MEOX2: variants seen among roughly 807,000 people sequenced by gnomAD.
The protein encoded by MEOX2 is mesenchyme homeobox 2.
A neutral mutation model predicts 27.0 loss-of-function variants in MEOX2; 11 were observed. That is an observed-to-expected ratio of 0.41 (90% CI 0.26 to 0.68). The LOEUF (loss-of-function observed/expected upper bound fraction) is 0.68, where lower values mean the gene tolerates loss of function less well. Ranked by LOEUF, MEOX2 falls within the 30% of genes least tolerant of loss-of-function variation. The pLI is 0.33. For missense variants in MEOX2, 436 were observed against 385.4 expected (o/e 1.13, Z -1.10); for synonymous variants, 189 against 155.4 (o/e 1.22, Z -1.61).
chr7:15,618,981 T>C (rs1012124668), intron 2 of MEOX2, among the ~76,000 whole-genome samples: 6 of 151,982 alleles, frequency 3.9e-5, no homozygotes, highest in African/African-American at 1.4e-4. Flanking sequence ...CTAAACTGAA[T>C]GCATCTCTGA....
chr7:15,685,800 C>A, intron 1 of MEOX2, 86 bp downstream of exon 1: 1 of 1,486,790 alleles, frequency 6.7e-7, no homozygotes, highest in Non-Finnish European at 9.0e-7. Context: ...CTGCTGCCAC[C>A]CTCCAGTGCG....
intron 1 of MEOX2, among the ~76,000 whole-genome samples, chr7:15,670,577 TATA>T (rs1782078685): frequency 6.6e-6 from 1 of 152,334 alleles, no homozygotes; most frequent in Middle Eastern, 3.4e-3. Context: ...AGTAGCCACA[TATA>T]TCTATTGAGT....
At position 15,641,697 on chromosome 7, in the gene MEOX2, C is replaced by T. The variant is rs146877495; in HGVS notation, c.518-14779G>A. Among the ~76,000 whole-genome samples, 12 of 152,182 alleles carry T rather than the reference C, an allele frequency of 7.9e-5. No homozygotes were observed. The East Asian group carries it at 2.3e-3, about 29-fold the overall frequency. ...CTTTGTAGTCCCAATTGTGTAATTG[C>T]TTCATAGCATCTATAAACTTTGTAT... is the stretch of plus-strand genomic sequence containing the variant. On this transcript the variant is annotated intron_variant, in intron 1 of 2. Transcript: ENST00000262041.
intron 1 of MEOX2, among the ~76,000 whole-genome samples, chr7:15,644,688 A>G (rs529405938): frequency 6.6e-6 from 1 of 152,364 alleles, no homozygotes; most frequent in Admixed American, 6.5e-5. Flanking sequence ...CGGCCTTGAA[A>G]AGAAAATCCA....
At chr7:15,632,063 A>G (rs1465836563) in intron 1 of MEOX2, among the ~76,000 whole-genome samples, 2 of 151,844 alleles carry the variant, frequency 1.3e-5, no homozygotes, top group African/African-American at 4.8e-5. Flanking sequence ...ACAAAAATAA[A>G]ATACTTAGGT....
At chr7:15,674,864 T>C (rs978861379) in intron 1 of MEOX2, among the ~76,000 whole-genome samples, 1 of 151,984 alleles carries the variant, frequency 6.6e-6, no homozygotes, top group Non-Finnish European at 1.5e-5. Context: ...ATAAGAAAAA[T>C]GACCAATCAT....
chr7:15,631,700 C>T (rs12666514), intron 1 of MEOX2, among the ~76,000 whole-genome samples: 117,190 of 151,656 alleles, frequency 0.77, 45,523 homozygotes, highest in East Asian at 0.89. Context: ...CATAAGAAAA[C>T]ATTACAATTG....
rs1451824094 is a variant in MEOX2, at chr7:15,680,485, G to C, written c.517+5401C>G. ...TTAAAACACATAAAATATTCTGCGA[G>C]GTTTTCTCCAATGGGATTTTGAATC... On this transcript the variant is annotated intron_variant, in intron 1 of 2. Transcript: ENST00000262041. The C allele has an allele frequency of 2.6e-5, 4 of 151,828 alleles. No individual in the cohort carries two copies. The East Asian group carries it at 7.7e-4, about 29-fold the overall frequency. 9.4% of individuals were successfully genotyped at this position (151,828 alleles called of 1,614,324 possible).
chr7:15,648,524 G>T lies in MEOX2; in HGVS notation c.518-21606C>A, dbSNP rs543698935. On this transcript the variant is annotated intron_variant, in intron 1 of 2. Coordinates refer to ENST00000262041, the MANE Select transcript of MEOX2 (RefSeq NM_005924.5). ...GATACAGAGGAAAGGATAGCAGGCC[G>T]GAGAAAGGGATCTGGGTCCTTTATT... 5.9e-5 allele frequency among the ~76,000 whole-genome samples: 9 copies of T among 152,096 alleles called. No individual in the cohort carries two copies. The East Asian group carries it at 1.7e-3, about 29-fold the overall frequency.
chr7:15,621,419 A>G (rs1184512042), intron 2 of MEOX2, among the ~76,000 whole-genome samples: 1 of 152,184 alleles, frequency 6.6e-6, no homozygotes, highest in Non-Finnish European at 1.5e-5. Flanking sequence ...TTCTTTGGCC[A>G]GATGAAGTTC....
At chr7:15,628,118 A>T (rs1781344174) in intron 1 of MEOX2, among the ~76,000 whole-genome samples, 1 of 152,076 alleles carries the variant, frequency 6.6e-6, no homozygotes, top group Admixed American at 6.6e-5. Context: ...CAAATATAAT[A>T]AGGCATGGCT....
chr7:15,637,661 A>G (rs930729549), intron 1 of MEOX2, among the ~76,000 whole-genome samples: 2 of 152,092 alleles, frequency 1.3e-5, no homozygotes, highest in Non-Finnish European at 2.9e-5. Context: ...AATTGTAGTT[A>G]TAATTATAGC....
chr7:15,641,465 A>G (rs975223686), intron 1 of MEOX2, among the ~76,000 whole-genome samples: 8 of 152,022 alleles, frequency 5.3e-5, no homozygotes, highest in Admixed American at 1.3e-4. Context: ...TTCTGTTTGC[A>G]TCGTAGATCT....
intron 1 of MEOX2, among the ~76,000 whole-genome samples, chr7:15,664,260 C>T (rs903857031): frequency 2.0e-5 from 3 of 152,182 alleles, no homozygotes; most frequent in African/African-American, 7.2e-5. Context: ...TTCCTCTTAA[C>T]GTCTGTTTCT....
At chr7:15,657,173 A>G (rs1468605799) in intron 1 of MEOX2, among the ~76,000 whole-genome samples, 8 of 151,880 alleles carry the variant, frequency 5.3e-5, no homozygotes, top group Non-Finnish European at 1.0e-4. Flanking sequence ...GTGTAAATTT[A>G]TTTGTGTTTA....
At chr7:15,640,461 T>C (rs192814650) in intron 1 of MEOX2, among the ~76,000 whole-genome samples, 9 of 152,298 alleles carry the variant, frequency 5.9e-5, no homozygotes, top group Admixed American at 3.9e-4. Flanking sequence ...TATAAGATCA[T>C]GACATCAGTA....
chr7:15,663,848 G>A (rs1458204640), intron 1 of MEOX2, among the ~76,000 whole-genome samples: 1 of 152,046 alleles, frequency 6.6e-6, no homozygotes, highest in Non-Finnish European at 1.5e-5. Context: ...CTAAGCTGCT[G>A]GAAGAGACAA....
At chr7:15,657,840 T>G (rs1003532929) in intron 1 of MEOX2, among the ~76,000 whole-genome samples, 3 of 152,194 alleles carry the variant, frequency 2.0e-5, no homozygotes, top group Non-Finnish European at 2.9e-5. Context: ...ATTTAAACCT[T>G]CTGTTTCAGC....
intron 1 of MEOX2, among the ~76,000 whole-genome samples, chr7:15,645,501 T>C (rs1259799195): frequency 1.3e-5 from 2 of 152,198 alleles, no homozygotes; most frequent in Admixed American, 1.3e-4. Flanking sequence ...ATGACTGCAA[T>C]AATATTTTTC....
Sources: gnomAD v4.1 joint callset for allele counts (sites outside exome capture counted in the v4.1 genomes callset) on GRCh38, gnomAD v4.1.1 for gene constraint, MANE v1.5 for transcripts, NCBI Gene and HGNC (gene_info 2026-07-23, HGNC 2026-07-21) for gene names.